The following RBM33 variants were observed in gnomAD, a reference collection of about 807,000 sequenced individuals.
The protein encoded by RBM33 is RNA binding motif protein 33.
RBM33 carries 28 observed loss-of-function variants against 132.6 expected under a neutral mutation model. The ratio of observed to expected loss-of-function variants is 0.21; its 90% CI spans 0.16 to 0.29. RBM33 has a LOEUF of 0.29. RBM33 is among the 10% of genes least tolerant of loss of function. RBM33 has a pLI of 1.00. For missense variants in RBM33, 1,291 were observed against 1,518.5 expected, an observed-to-expected ratio of 0.85 and a Z score of 2.49; for synonymous variants, 634 against 593.0, an observed-to-expected ratio of 1.07 and a Z score of -1.01.
intron 8 of RBM33, among the ~76,000 whole-genome samples, chr7:155,717,711 C>T (rs1257968239): frequency 6.6e-6 from 1 of 152,186 alleles, no homozygotes; most frequent in African/African-American, 2.4e-5. Context: ...AGCTTAAACA[C>T]ATCTGATTTA....
At chr7:155,647,705 C>T (rs185438633) in intron 1 of RBM33, among the ~76,000 whole-genome samples, 3 of 152,270 alleles carry the variant, frequency 2.0e-5, no homozygotes, top group Admixed American at 2.0e-4. Context: ...ATTACGTGAG[C>T]CACCATGCCT....
intron 9 of RBM33, among the ~76,000 whole-genome samples, chr7:155,731,794 G>T (rs1335672198): frequency 2.0e-5 from 3 of 152,176 alleles, no homozygotes; most frequent in African/African-American, 7.2e-5. Context: ...TACTATTGAG[G>T]ATGAGATTCA....
At chr7:155,726,846 A>C (rs1800807528) in intron 9 of RBM33, among the ~76,000 whole-genome samples, 1 of 152,254 alleles carries the variant, frequency 6.6e-6, no homozygotes, top group African/African-American at 2.4e-5. Flanking sequence ...TAATAAACCA[A>C]GAGTGTGAGA....
chr7:155,761,073 A>G (rs1009911429), intron 14 of RBM33, among the ~76,000 whole-genome samples: 5 of 152,222 alleles, frequency 3.3e-5, no homozygotes, highest in Non-Finnish European at 7.3e-5. Flanking sequence ...ACGATAGCAG[A>G]TATACACACG....
rs73734199 is a variant in RBM33, at chr7:155,707,445, A to G, written c.948+377A>G. On this transcript the variant is annotated intron_variant, in intron 7 of 17. Coordinates refer to ENST00000401878, the MANE Select transcript of RBM33 (RefSeq NM_053043.3). ...GATAGAATTTAGGCAGAAGTTGTTT[A>G]TTTTATAAAAATATCTTTACCTTTT... is the stretch of plus-strand genomic sequence containing the variant. 6.2e-3 allele frequency: 2,305 copies of G among 373,706 alleles called. 49 individuals carry two copies. Among genetic ancestry groups the G allele is most frequent in the African/African-American group, 0.046 (2,138 of 46,920 alleles). 23.1% of individuals were successfully genotyped at this position (373,706 alleles called of 1,614,324 possible).
In RBM33 at chr7:155,652,200, T is replaced by G. The variant is rs546284487; in HGVS notation, c.43+7281T>G. ...GAGGAAAAAGAAGGTTGAGAACCTTTGGAATACAAAGGTCAGCAAACTTTT... is the reference window on the plus strand; with the variant it reads ...GAGGAAAAAGAAGGTTGAGAACCTTGGGAATACAAAGGTCAGCAAACTTTT... On this transcript the variant is annotated intron_variant, in intron 1 of 17. Transcript: ENST00000401878. Among the ~76,000 whole-genome samples, 16 of 152,322 alleles carry G rather than the reference T, an allele frequency of 1.1e-4. No homozygotes were observed. In the East Asian group the frequency reaches 2.9e-3, roughly 28 times the overall value.
chr7:155,653,309 T>C (rs1798405345), intron 1 of RBM33, among the ~76,000 whole-genome samples: 1 of 152,216 alleles, frequency 6.6e-6, no homozygotes, highest in African/African-American at 2.4e-5. Context: ...GCATAGATTC[T>C]ATTTCTAAAT....
At chr7:155,723,967 C>T (rs148226780) in intron 9 of RBM33, among the ~76,000 whole-genome samples, 2 of 152,204 alleles carry the variant, frequency 1.3e-5, no homozygotes, top group African/African-American at 4.8e-5. Context: ...AAATTCTCTT[C>T]GGATATAGAG....
At chr7:155,736,181 A>T (rs537225334) in intron 9 of RBM33, among the ~76,000 whole-genome samples, 1 of 152,262 alleles carries the variant, frequency 6.6e-6, no homozygotes, top group African/African-American at 2.4e-5. Flanking sequence ...TTTTGTAGGG[A>T]GAAGGAAGGG....
At position 155,706,035 on chromosome 7, in the gene RBM33, G is replaced by A. The variant is rs114744681; in HGVS notation, c.740-825G>A. Among the ~76,000 whole-genome samples, 1,394 of 152,316 alleles carry A rather than the reference G, an allele frequency of 9.2e-3. 16 individuals carry two copies. Among genetic ancestry groups the A allele is most frequent in the African/African-American group, 0.032 (1,316 of 41,564 alleles). ...TGAAATCACCTTGACTTCGGAATGA[G>A]TTCATTAATAGTTTTGTTTTTAAGT... On this transcript the variant is annotated intron_variant, in intron 6 of 17. Coordinates refer to ENST00000401878, the MANE Select transcript of RBM33 (RefSeq NM_053043.3).
At chr7:155,700,173 T>A (rs1799916490) in intron 5 of RBM33, among the ~76,000 whole-genome samples, 1 of 152,224 alleles carries the variant, frequency 6.6e-6, no homozygotes. Flanking sequence ...AGAAAAAAAG[T>A]TTCTCCTTTT....
chr7:155,764,283 G>A (rs1018043589), intron 15 of RBM33, among the ~76,000 whole-genome samples: 1 of 152,130 alleles, frequency 6.6e-6, no homozygotes, highest in Admixed American at 6.5e-5. Context: ...CTGAACTGTC[G>A]ACCCAGCAGC....
At chr7:155,757,822 G>A (rs971561892) in intron 14 of RBM33, among the ~76,000 whole-genome samples, 23 of 149,246 alleles carry the variant, frequency 1.5e-4, no homozygotes, top group African/African-American at 5.7e-4. Context: ...TTCCAATCAT[G>A]GTGGAATGCA....
chr7:155,721,190 C>T (rs1304677035), intron 9 of RBM33, among the ~76,000 whole-genome samples: 1 of 152,068 alleles, frequency 6.6e-6, no homozygotes, highest in African/African-American at 2.4e-5. Flanking sequence ...TGTGTTTACT[C>T]CTATTTGTGT....
chr7:155,775,003 G>T lies in RBM33; in HGVS notation c.3475G>T (p.Asp1159Tyr). ...TTTAAATTTTCACAGGCATATGATA[G>T]ATTTGTCCCACATAAATGTGGCCCT... ...FQQKFHRHMI[D>Y]LSHINVALIV... Residue 1159 changes from aspartate (D) to tyrosine (Y), a missense_variant, in exon 18 of 18, where the codon GAT becomes TAT. Asp to Tyr is a radical substitution (Grantham distance 160). Around this residue, in one of 7 missense-constraint regions of RBM33, gnomAD observed 55 missense variants for 101.4 expected, o/e 0.54. Coordinates refer to ENST00000401878, the MANE Select transcript of RBM33 (RefSeq NM_053043.3). 6.2e-7 allele frequency: 1 copy of T among 1,613,510 alleles called. No individual in the cohort carries two copies. Among genetic ancestry groups the T allele is most frequent in the Non-Finnish European group, 8.5e-7 (1 of 1,179,468 alleles).
chr7:155,661,104 GTGT>G (rs1798631188), intron 1 of RBM33, among the ~76,000 whole-genome samples: 1 of 52,142 alleles, frequency 1.9e-5, no homozygotes, highest in African/African-American at 9.1e-5. Context: ...TGTGGTGTGT[GTGT>G]GTGTGTGTGT....
rs575954171 is a variant in RBM33, at chr7:155,748,072, C to T, written c.2979+2470C>T. ...CCTGCCTATGAAAATCTTCAGGAGC[C>T]GAGGGCTGAGCAGACCTTGGCTGAC... is the stretch of plus-strand genomic sequence containing the variant. On this transcript the variant is annotated intron_variant, in intron 14 of 17. Coordinates refer to ENST00000401878, the MANE Select transcript of RBM33 (RefSeq NM_053043.3). Among the ~76,000 whole-genome samples the T allele has an allele frequency of 5.3e-5, 8 of 152,230 alleles. No homozygotes were observed. The South Asian group carries it at 8.3e-4, about 16-fold the overall frequency.
At position 155,724,990 on chromosome 7, in the gene RBM33, T is replaced by G. The variant is rs1002838292; in HGVS notation, c.1260+6547T>G. On this transcript the variant is annotated intron_variant, in intron 9 of 17. Transcript: ENST00000401878. ...TTGCTGTAAACATTTGTGTACAGGT[T>G]TGTGTGTGTGTGTGTGTGTGTGTGT... Among the ~76,000 whole-genome samples the G allele has an allele frequency of 3.5e-4, 43 of 123,366 alleles. 1 individual carries two copies. The South Asian group carries it at 5.5e-3, about 16-fold the overall frequency. The allele number at this position is 123,366 out of a possible 152,430, so 80.9% of individuals were successfully genotyped here.
intron 16 of RBM33, among the ~76,000 whole-genome samples, chr7:155,772,687 T>C (rs543166800): frequency 6.6e-6 from 1 of 152,348 alleles, no homozygotes; most frequent in African/African-American, 2.4e-5. Flanking sequence ...TTTACTGAAC[T>C]TGTTTCAGAA....
Sources: gnomAD v4.1 joint callset for allele counts (sites outside exome capture counted in the v4.1 genomes callset) on GRCh38, gnomAD v4.1.1 for gene constraint, gnomAD v4.1.1 regional missense constraint, MANE v1.5 for transcripts, NCBI Gene and HGNC (gene_info 2026-07-23, HGNC 2026-07-21) for gene names.